MRPS18A: variants seen among roughly 807,000 people sequenced by gnomAD.
MRPS18A encodes the protein mitochondrial ribosomal protein S18A.
MRPS18A carries 20 observed loss-of-function variants against 22.7 expected under a neutral mutation model. The observed-to-expected ratio is 0.88, with a 90% CI of 0.62 to 1.28. The LOEUF (loss-of-function observed/expected upper bound fraction) is 1.28. Ranked by LOEUF, MRPS18A falls within the 50% of genes most tolerant of loss-of-function variation. The pLI is 0.00. For synonymous variants in MRPS18A, 106 were observed against 99.1 expected (o/e 1.07, Z -0.41); for missense variants, 294 against 262.6 (o/e 1.12, Z -0.83).
chr6:43,671,873 C>T lies in MRPS18A; in HGVS notation c.480G>A (p.Lys160=). 1 of 1,613,436 alleles carries T rather than the reference C, an allele frequency of 6.2e-7. No homozygotes were observed. The highest frequency in any genetic ancestry group is 8.5e-7 in the Non-Finnish European group (1 of 1,179,652). Residue 160 remains lysine, a synonymous_variant, in exon 6 of 6, where the codon AAG becomes AAA. Coordinates refer to ENST00000372133, the MANE Select transcript of MRPS18A (RefSeq NM_018135.4). The part of the protein sequence containing the change: ...YLTRWAPGSV[K]PIYKKGPRWN... ...AGCGGGGGCCTTTTTTGTAGATGGG[C>T]TTGACGGAGCCAGGAGCCCAGCGCG...
chr6:43,687,772 G>T lies in MRPS18A; in HGVS notation c.8C>A (p.Ala3Asp). 2 of 1,573,500 alleles carry T rather than the reference G, an allele frequency of 1.3e-6. No homozygotes were observed. The highest frequency in any genetic ancestry group is 1.7e-6 in the Non-Finnish European group (2 of 1,159,124). MA[A>D]LKALVSGCGR... ...ACAGCCGGACACCAGAGCCTTGAGG[G>T]CCGCCATCTTCAAAAACCTACCCTG... is the stretch of plus-strand genomic sequence containing the variant. Residue 3 changes from alanine to aspartate, a missense_variant, in exon 1 of 6, where the codon GCC (alanine) becomes GAC (aspartate). Ala to Asp is a moderately radical substitution (Grantham distance 126). Coordinates refer to ENST00000372133, the MANE Select transcript of MRPS18A (RefSeq NM_018135.4).
intron 3 of MRPS18A, among the ~76,000 whole-genome samples, chr6:43,677,518 A>G (rs576906644): frequency 2.3e-4 from 35 of 152,318 alleles, no homozygotes; most frequent in African/African-American, 8.4e-4. Flanking sequence ...AGGGTGTTTC[A>G]TGTCACCTGT....
Position 43,673,588 on chromosome 6 carries a change from G to A in MRPS18A, c.446+1614C>T, listed in dbSNP as rs978046632. 6.6e-6 allele frequency among the ~76,000 whole-genome samples: 1 copy of A among 152,108 alleles called. No homozygotes were observed. Among genetic ancestry groups the A allele is most frequent in the Non-Finnish European group, 1.5e-5 (1 of 67,996 alleles). ...GCGGCCAGCTGGCAGGGGGTGGGCC[G>A]GGTGGCCTCCAGCCAGCTCTTTGGG... On this transcript the variant is annotated intron_variant, in intron 5 of 5. Transcript: ENST00000372133. This position sits in a 1 kb window ranked among gnomAD's most constrained non-coding sequence, Gnocchi z 4.2.
At chr6:43,686,263 T>C (rs980315113) in intron 1 of MRPS18A, among the ~76,000 whole-genome samples, 5 of 152,250 alleles carry the variant, frequency 3.3e-5, no homozygotes, top group Non-Finnish European at 7.3e-5. Context: ...TTGTAGCCAA[T>C]AGTGTTTGAC....
At chr6:43,679,326 GA>G in intron 2 of MRPS18A, among the ~76,000 whole-genome samples, 1 of 152,308 alleles carries the variant, frequency 6.6e-6, no homozygotes, top group African/African-American at 2.4e-5. Context: ...TAGCAAGGCT[GA>G]AAAAACCCGG....
At chr6:43,682,291 C>A (rs887561709) in intron 1 of MRPS18A, among the ~76,000 whole-genome samples, 4 of 152,080 alleles carry the variant, frequency 2.6e-5, no homozygotes, top group African/African-American at 7.3e-5. Flanking sequence ...AGAGCGAGAC[C>A]CCATCTCAAA....
At chr6:43,675,306 C>G in intron 4 of MRPS18A, 35 bp from the exon 5 acceptor site, 1 of 1,546,858 alleles carries the variant, frequency 6.5e-7, no homozygotes, top group Non-Finnish European at 8.7e-7. Flanking sequence ...GTCTTTGCAG[C>G]TCCCTCTGCA....
chr6:43,674,381 A>G (rs1194821892), intron 5 of MRPS18A, among the ~76,000 whole-genome samples: 2 of 152,172 alleles, frequency 1.3e-5, no homozygotes, highest in South Asian at 2.1e-4. Context: ...CACCAACCTA[A>G]TATGTTCCTC....
intron 5 of MRPS18A, 104 bp downstream of exon 5, chr6:43,675,098 G>C: frequency 1.0e-6 from 1 of 1,004,128 alleles, no homozygotes; most frequent in Middle Eastern, 3.4e-4. Context: ...TGGACTGATG[G>C]GGGTGGATGC....
At position 43,671,847 on chromosome 6, in the gene MRPS18A, C is replaced by T. The variant is rs1561948118; in HGVS notation, c.506G>A (p.Trp169Ter). Residue 169 changes from tryptophan to a stop codon, truncating the protein, a stop_gained, in exon 6 of 6, where the codon TGG becomes TAG. Transcript: ENST00000372133. LOFTEE classifies it high-confidence loss of function. ...CCCCACGGGCATGCGCACCCTGTTC[C>T]AGCGGGGGCCTTTTTTGTAGATGGG... The part of the protein sequence containing the change: ...VKPIYKKGPR[W>*]NRVRMPVGSP... The T allele has an allele frequency of 5.6e-6, 9 of 1,614,102 alleles. No individual in the cohort carries two copies. The highest frequency in any genetic ancestry group is 7.6e-6 in the Non-Finnish European group (9 of 1,179,996).
chr6:43,671,793 T>C lies in MRPS18A; in HGVS notation c.560A>G (p.Tyr187Cys). The stretch of plus-strand genomic sequence containing the variant: ...ATACAGCTTCCAAGGTGTTCTTGAG[T>C]AGCAGACATTGTCCCTCAGAAGGGG... ...GSPLLRDNVC[Y>C]SRTPWKLYH Residue 187 changes from tyrosine (Y) to cysteine (C), a missense_variant, in exon 6 of 6, where the codon TAC (tyrosine) becomes TGC (cysteine). Physicochemically the swap from Tyr to Cys is radical, Grantham distance 194. Transcript: ENST00000372133. 2.5e-6 allele frequency: 4 copies of C among 1,614,172 alleles called. No individual in the cohort carries two copies. Among genetic ancestry groups the C allele is most frequent in the Non-Finnish European group, 2.5e-6 (3 of 1,180,022 alleles).
Position 43,671,658 on chromosome 6 carries a change from C to A in MRPS18A, c.*104G>T, listed in dbSNP as rs541626406. 1 of 1,372,246 alleles carries A rather than the reference C, an allele frequency of 7.3e-7. No individual in the cohort carries two copies. Among genetic ancestry groups the A allele is most frequent in the Admixed American group, 1.7e-5 (1 of 57,684 alleles). 85.0% of individuals were successfully genotyped at this position (1,372,246 alleles called of 1,614,324 possible). A position where few individuals can be genotyped will look rare whatever the true frequency, so the allele number is the denominator to read the frequency against. ...ATGCATGTTGGAGGGACCAGGCCATCGTGGTGGGGTGGGACAGGAGTATAG... is the reference window on the plus strand; with the variant it reads ...ATGCATGTTGGAGGGACCAGGCCATAGTGGTGGGGTGGGACAGGAGTATAG... On this transcript the variant is annotated 3_prime_UTR_variant, in exon 6 of 6. Coordinates refer to ENST00000372133, the MANE Select transcript of MRPS18A (RefSeq NM_018135.4).
At chr6:43,672,436 G>C in intron 5 of MRPS18A, 1 of 471,104 alleles carries the variant, frequency 2.1e-6, no homozygotes, top group Non-Finnish European at 4.4e-6. Flanking sequence ...CCCTAGCCTA[G>C]GAAGGTTCCT....
chr6:43,682,400 C>G (rs1316165836), intron 1 of MRPS18A, among the ~76,000 whole-genome samples: 2 of 152,198 alleles, frequency 1.3e-5, no homozygotes, highest in African/African-American at 2.4e-5. Context: ...GATCACTGAG[C>G]TCTGTGACCA....
chr6:43,682,147 A>C (rs1047933895), intron 1 of MRPS18A, among the ~76,000 whole-genome samples: 8 of 152,118 alleles, frequency 5.3e-5, no homozygotes, highest in African/African-American at 1.9e-4. Context: ...AAAATCACTA[A>C]AATTAGCCAG....
intron 1 of MRPS18A, 115 bp from the exon 2 acceptor site, chr6:43,681,235 C>A: frequency 9.7e-7 from 1 of 1,033,994 alleles, no homozygotes; most frequent in South Asian, 1.5e-5. Flanking sequence ...TCTGTACTCT[C>A]TCATGGTCTC....
At chr6:43,684,327 T>C (rs967557612) in intron 1 of MRPS18A, among the ~76,000 whole-genome samples, 1 of 151,924 alleles carries the variant, frequency 6.6e-6, no homozygotes, top group African/African-American at 2.4e-5. Context: ...TAGGAAAGAC[T>C]GGAGTAACTG....
chr6:43,680,745 ACTTACT>A (rs1284277263), intron 2 of MRPS18A, among the ~76,000 whole-genome samples: 1 of 152,248 alleles, frequency 6.6e-6, no homozygotes, highest in African/African-American at 2.4e-5. Context: ...CTCTGGGTCA[ACTTACT>A]CTGGCTCTCT....
intron 5 of MRPS18A, 185 bp from the exon 6 acceptor site, chr6:43,672,091 C>T (rs1773738400): frequency 1.4e-6 from 1 of 720,130 alleles, no homozygotes; most frequent in South Asian, 1.9e-5. Context: ...AACAGATGGG[C>T]TGGGCTCTTG....
Sources: gnomAD v4.1 joint callset for allele counts (sites outside exome capture counted in the v4.1 genomes callset) on GRCh38, gnomAD v4.1.1 for gene constraint, Gnocchi (gnomAD v3.1) non-coding constraint, MANE v1.5 for transcripts, NCBI Gene and HGNC (gene_info 2026-07-23, HGNC 2026-07-21) for gene names.